DIS3L2: variants seen among roughly 807,000 people sequenced by gnomAD.
The protein encoded by DIS3L2 is DIS3 like 3'-5' exoribonuclease 2.
Under a neutral mutation model 97.5 loss-of-function variants are expected in DIS3L2, and 34 were observed. The ratio of observed to expected loss-of-function variants is 0.35; its 90% confidence interval spans 0.27 to 0.46. DIS3L2 has a LOEUF of 0.46. Ranked by LOEUF, DIS3L2 falls within the 20% of genes least tolerant of loss-of-function variation. The pLI is 1.00. For missense variants in DIS3L2, 1,038 were observed against 1,146.0 expected, an observed-to-expected ratio of 0.91 and a Z score of 1.36; for synonymous variants, 435 against 445.2, an observed-to-expected ratio of 0.98 and a Z score of 0.29.
intron 5 of DIS3L2, among the ~76,000 whole-genome samples, chr2:232,086,627 A>G (rs1001659625): frequency 5.9e-5 from 6 of 100,850 alleles, no homozygotes; most frequent in African/African-American, 2.5e-4. Context: ...ATATATATAT[A>G]TACACATATA....
intron 9 of DIS3L2, chr2:232,172,689 A>G (rs962971647): frequency 1.9e-6 from 1 of 534,396 alleles, no homozygotes; most frequent in African/African-American, 1.9e-5. Context: ...GTCTACTTTT[A>G]GAGTAATTGT....
At chr2:232,154,811 G>T (rs897494359) in intron 8 of DIS3L2, among the ~76,000 whole-genome samples, 1 of 131,194 alleles carries the variant, frequency 7.6e-6, no homozygotes, top group Non-Finnish European at 1.6e-5. Context: ...CCTCGTTGCC[G>T]CCTTGCAGTT....
intron 9 of DIS3L2, among the ~76,000 whole-genome samples, chr2:232,195,743 C>T (rs890863415): frequency 3.9e-5 from 6 of 152,172 alleles, no homozygotes; most frequent in African/African-American, 1.4e-4. Flanking sequence ...TGAACCCCCA[C>T]TCCCTGCCTT....
intron 13 of DIS3L2, among the ~76,000 whole-genome samples, chr2:232,271,224 C>T (rs1356691172): frequency 6.6e-6 from 1 of 152,170 alleles, no homozygotes; most frequent in East Asian, 1.9e-4. Context: ...CATTAGAATC[C>T]TTAAAGAAAC....
intron 5 of DIS3L2, among the ~76,000 whole-genome samples, chr2:232,076,921 G>A (rs1696206729): frequency 6.6e-6 from 1 of 152,132 alleles, no homozygotes; most frequent in African/African-American, 2.4e-5. Flanking sequence ...CTTTGAAATA[G>A]GATGCTACAA....
rs189383183 is a variant in DIS3L2, at chr2:232,028,750, T to C, written c.265-1229T>C. Among the ~76,000 whole-genome samples, 400 of 152,326 alleles carry C rather than the reference T, an allele frequency of 2.6e-3. 1 individual carries two copies. Among genetic ancestry groups the C allele is most frequent in the Non-Finnish European group, 2.4e-3 (162 of 68,040 alleles). Reference sequence around the variant, plus strand: ...TTATTTCAGTTGTTCTCTCTCTGTTTACTGGCTGTCTCTTCCACATCTCTC... The same window carrying C: ...TTATTTCAGTTGTTCTCTCTCTGTTCACTGGCTGTCTCTTCCACATCTCTC... On this transcript the variant is annotated intron_variant, in intron 4 of 20. Coordinates refer to ENST00000325385, the MANE Select transcript of DIS3L2 (RefSeq NM_152383.5).
At chr2:232,074,847 GTGC>G (rs1463581593) in intron 5 of DIS3L2, among the ~76,000 whole-genome samples, 2 of 152,116 alleles carry the variant, frequency 1.3e-5, no homozygotes, top group East Asian at 3.8e-4. Context: ...GATTCCCAAA[GTGC>G]TGAGATTACA....
chr2:232,294,434 C>T (rs1394760123), intron 13 of DIS3L2, among the ~76,000 whole-genome samples: 3 of 152,212 alleles, frequency 2.0e-5, no homozygotes, highest in Admixed American at 6.5e-5. Context: ...GAACCTTGTA[C>T]ATGGTAAGCA....
At chr2:232,005,559 C>T (rs1280531610) in intron 1 of DIS3L2, among the ~76,000 whole-genome samples, 1 of 152,106 alleles carries the variant, frequency 6.6e-6, no homozygotes, top group Non-Finnish European at 1.5e-5. Context: ...CTTCTATTTC[C>T]CTCCCCACAA....
chr2:232,102,394 A>C (rs1255149817), intron 6 of DIS3L2, among the ~76,000 whole-genome samples: 4 of 152,176 alleles, frequency 2.6e-5, no homozygotes, highest in African/African-American at 9.7e-5. Flanking sequence ...TTTAGAGTGG[A>C]TATTAGGTGA....
chr2:232,079,468 C>T (rs934524384), intron 5 of DIS3L2, among the ~76,000 whole-genome samples: 4 of 151,464 alleles, frequency 2.6e-5, no homozygotes, highest in South Asian at 2.1e-4. Context: ...TGGTGGCTGG[C>T]GGGCACCTGT....
intron 5 of DIS3L2, among the ~76,000 whole-genome samples, chr2:232,079,238 T>C (rs1184950661): frequency 1.3e-5 from 2 of 152,070 alleles, no homozygotes; most frequent in Middle Eastern, 3.4e-3. Flanking sequence ...TATATTCTAG[T>C]TGGGGAAACA....
At chr2:232,198,579 G>C (rs1455539622) in intron 9 of DIS3L2, 1 of 152,208 alleles carries the variant, frequency 6.6e-6, no homozygotes, top group Non-Finnish European at 1.5e-5. Flanking sequence ...GAGAGCTTCG[G>C]ATAGAGAGAC....
intron 10 of DIS3L2, among the ~76,000 whole-genome samples, chr2:232,229,248 C>T (rs1458389654): frequency 2.0e-5 from 3 of 152,144 alleles, no homozygotes; most frequent in East Asian, 3.8e-4. Context: ...TAATGAAACC[C>T]ATTGTTCCCA....
In DIS3L2 at chr2:232,243,464, G is replaced by A. The variant is rs1420691972; in HGVS notation, c.1317+4819G>A. On this transcript the variant is annotated intron_variant, in intron 11 of 20. Coordinates refer to ENST00000325385, the MANE Select transcript of DIS3L2 (RefSeq NM_152383.5). ...GTGGTTGAAGGATAGTGAGGCCAGA[G>A]GCAGGAAAATTGTCATCAGTACCTG... 3.3e-5 allele frequency among the ~76,000 whole-genome samples: 5 copies of A among 152,078 alleles called. No individual in the cohort carries two copies. The East Asian group carries it at 9.7e-4, about 29-fold the overall frequency.
At chr2:231,966,641 A>ATTT (rs36151054) in intron 1 of DIS3L2, among the ~76,000 whole-genome samples, 1,506 of 50,560 alleles carry the variant, frequency 0.03, 18 homozygotes, top group East Asian at 0.071. Flanking sequence ...GTTAAAAAAC[A>ATTT]TTTTTTTTTT....
chr2:232,295,369 C>A (rs1282238318), intron 13 of DIS3L2, among the ~76,000 whole-genome samples: 1 of 152,154 alleles, frequency 6.6e-6, no homozygotes, highest in Non-Finnish European at 1.5e-5. Flanking sequence ...CATTCTAAAT[C>A]CCCCCTGCCC....
intron 6 of DIS3L2, among the ~76,000 whole-genome samples, chr2:232,090,164 G>A (rs995771904): frequency 6.6e-6 from 1 of 152,028 alleles, no homozygotes; most frequent in East Asian, 1.9e-4. Context: ...TGAACTCCTG[G>A]CCTCAAGCGA....
intron 13 of DIS3L2, among the ~76,000 whole-genome samples, chr2:232,267,479 T>G (rs1466187524): frequency 6.6e-6 from 1 of 152,246 alleles, no homozygotes; most frequent in Non-Finnish European, 1.5e-5. Context: ...TTCTTCTATC[T>G]CCATGTTTTC....
Sources: allele counts gnomAD v4.1 joint callset (sites outside exome capture counted in the v4.1 genomes callset), GRCh38; gene constraint gnomAD v4.1.1; transcripts MANE v1.5; gene names NCBI Gene and HGNC (gene_info 2026-07-23, HGNC 2026-07-21).